Variants in ADAM32 observed in about 807,000 individuals in gnomAD.
ADAM32 encodes the protein disintegrin and metalloproteinase domain-containing protein 32.
ADAM32 carries 89 observed loss-of-function variants against 114.9 expected under a neutral mutation model. That is an observed-to-expected ratio of 0.77 (90% CI 0.65 to 0.92). ADAM32 has a LOEUF of 0.92. ADAM32 is among the 40% of genes least tolerant of loss of function. ADAM32 has a pLI of 0.00. For synonymous variants in ADAM32, 285 were observed against 307.5 expected (o/e 0.93, Z 0.77); for missense variants, 870 against 932.8 (o/e 0.93, Z 0.88).
chr8:39,245,907 G>A (rs867614907), intron 16 of ADAM32, among the ~76,000 whole-genome samples, 176 bp from the exon 17 acceptor site: 35 of 152,050 alleles, frequency 2.3e-4, no homozygotes, highest in African/African-American at 8.2e-4. Context: ...AATCACAAAT[G>A]TCTTTTCTTG....
intron 11 of ADAM32, among the ~76,000 whole-genome samples, chr8:39,201,918 G>T (rs926276542): frequency 6.6e-6 from 1 of 151,948 alleles, no homozygotes; most frequent in African/African-American, 2.4e-5. Context: ...CTGTTTATAT[G>T]CTGGATTACA....
chr8:39,109,480 G>T (rs1346762529), intron 1 of ADAM32, among the ~76,000 whole-genome samples: 1 of 152,158 alleles, frequency 6.6e-6, no homozygotes, highest in Non-Finnish European at 1.5e-5. Flanking sequence ...CCAGGAGGCA[G>T]GAGTTGCAGT....
intron 2 of ADAM32, among the ~76,000 whole-genome samples, chr8:39,126,685 C>G (rs1802138053): frequency 6.6e-6 from 1 of 152,102 alleles, no homozygotes; most frequent in African/African-American, 2.4e-5. Flanking sequence ...CCTGATTGCC[C>G]TGGCTGGAAC....
intron 11 of ADAM32, among the ~76,000 whole-genome samples, chr8:39,195,088 T>C (rs1806879799): frequency 6.6e-6 from 1 of 152,138 alleles, no homozygotes; most frequent in South Asian, 2.1e-4. Context: ...CATAGTAGCC[T>C]TGTGTAAGGT....
chr8:39,126,697 T>C (rs1802138704), intron 2 of ADAM32, among the ~76,000 whole-genome samples: 1 of 152,168 alleles, frequency 6.6e-6, no homozygotes, highest in African/African-American at 2.4e-5. Flanking sequence ...GGCTGGAACT[T>C]CCAGTACTGT....
chr8:39,274,930 A>G (rs1225658038), intron 21 of ADAM32, among the ~76,000 whole-genome samples: 3 of 152,230 alleles, frequency 2.0e-5, no homozygotes, highest in Non-Finnish European at 4.4e-5. Flanking sequence ...ACTGGAGTTC[A>G]TGGGAAGCAT....
chr8:39,212,205 G>T (rs1488831955), intron 12 of ADAM32, among the ~76,000 whole-genome samples: 5 of 151,742 alleles, frequency 3.3e-5, no homozygotes, highest in Admixed American at 3.3e-4. Context: ...TAGTAGAGAC[G>T]GTTTCATCAC....
chr8:39,200,772 C>T (rs1807343598), intron 11 of ADAM32, among the ~76,000 whole-genome samples: 1 of 152,186 alleles, frequency 6.6e-6, no homozygotes, highest in Admixed American at 6.5e-5. Flanking sequence ...ACATTTCAGT[C>T]TTTAATCCAT....
At chr8:39,162,232 T>C (rs1172146412) in intron 7 of ADAM32, among the ~76,000 whole-genome samples, 1 of 144,418 alleles carries the variant, frequency 6.9e-6, no homozygotes, top group African/African-American at 2.5e-5. Flanking sequence ...CGTTGTTCAA[T>C]TCCCACCTAT....
chr8:39,260,842 A>G (rs1401938689), intron 19 of ADAM32, among the ~76,000 whole-genome samples: 1 of 152,048 alleles, frequency 6.6e-6, no homozygotes, highest in Non-Finnish European at 1.5e-5. Context: ...CTATTATAAA[A>G]GTTTGGTAGA....
At position 39,186,921 on chromosome 8, in the gene ADAM32, ATAACTCTGGAGG is replaced by A. The variant is rs1218297263; in HGVS notation, c.929_940del (p.Ile310_Ala314delinsThr). ...GTTGTTATTATAGTACCCCAAGGAG[ATAACTCTGGAGG>A]CATTTGCAGTTATTGTCACCCAGAT... is the stretch of plus-strand genomic sequence containing the variant. On this transcript the variant is annotated inframe_deletion, in exon 11 of 25. Transcript: ENST00000379907. 10 of 1,609,614 alleles carry A rather than the reference ATAACTCTGGAGG, an allele frequency of 6.2e-6. No homozygotes were observed. The highest frequency in any genetic ancestry group is 1.7e-5 in the Admixed American group (1 of 59,518).
chr8:39,248,832 T>A (rs973718407), intron 17 of ADAM32, among the ~76,000 whole-genome samples: 4 of 152,076 alleles, frequency 2.6e-5, no homozygotes, highest in Admixed American at 2.6e-4. Flanking sequence ...TTTGATAGTT[T>A]GTTAGATGAA....
chr8:39,206,888 T>G (rs928024471), intron 11 of ADAM32, among the ~76,000 whole-genome samples: 5 of 151,828 alleles, frequency 3.3e-5, no homozygotes, highest in African/African-American at 4.8e-5. Flanking sequence ...CAAAATAGTA[T>G]AGTGCTGTGT....
intron 19 of ADAM32, among the ~76,000 whole-genome samples, chr8:39,260,216 A>C (rs974326712): frequency 6.6e-6 from 1 of 152,156 alleles, no homozygotes; most frequent in Non-Finnish European, 1.5e-5. Flanking sequence ...AACACTTAAG[A>C]TCTACTCCCT....
intron 11 of ADAM32, among the ~76,000 whole-genome samples, chr8:39,204,746 C>T (rs549745468): frequency 1.3e-5 from 2 of 152,324 alleles, no homozygotes; most frequent in African/African-American, 4.8e-5. Flanking sequence ...GTTTTATCCC[C>T]ATCTTTGTGG....
At chr8:39,110,244 T>C (rs1840104205) in intron 1 of ADAM32, among the ~76,000 whole-genome samples, 5 of 152,176 alleles carry the variant, frequency 3.3e-5, no homozygotes, top group African/African-American at 1.2e-4. Flanking sequence ...AATTTTTTTG[T>C]ATTTTTAGTA....
chr8:39,164,096 A>G (rs1404766792), intron 7 of ADAM32, among the ~76,000 whole-genome samples: 1 of 152,202 alleles, frequency 6.6e-6, no homozygotes, highest in Admixed American at 6.5e-5. Flanking sequence ...ACTCAACAGT[A>G]CCATCACCAC....
At chr8:39,112,305 G>T (rs1840196258) in intron 1 of ADAM32, among the ~76,000 whole-genome samples, 1 of 151,822 alleles carries the variant, frequency 6.6e-6, no homozygotes, top group Admixed American at 6.6e-5. Flanking sequence ...AATATATTTT[G>T]GATATTAATC....
intron 15 of ADAM32, 67 bp downstream of exon 15, chr8:39,232,202 T>C: frequency 1.6e-6 from 2 of 1,240,910 alleles, no homozygotes; most frequent in Non-Finnish European, 2.3e-6. Flanking sequence ...CTTTGCCCCC[T>C]TCTGTGTCAT....
Sources: allele counts gnomAD v4.1 joint callset (sites outside exome capture counted in the v4.1 genomes callset), GRCh38; gene constraint gnomAD v4.1.1; transcripts MANE v1.5; gene names NCBI Gene and HGNC (gene_info 2026-07-23, HGNC 2026-07-21).